The following MYOCD variants were observed in gnomAD, a reference collection of about 807,000 sequenced individuals.
MYOCD encodes myocardin.
Under a neutral mutation model 96.1 loss-of-function variants are expected in MYOCD, and 32 were observed. That is an observed-to-expected ratio of 0.33 (90% CI 0.25 to 0.45). MYOCD has a LOEUF of 0.45. Ranked by LOEUF, MYOCD falls within the 20% of genes least tolerant of loss-of-function variation. MYOCD has a pLI of 1.00. For missense variants in MYOCD, 1,133 were observed against 1,200.6 expected (o/e 0.94, Z 0.83); for synonymous variants, 469 against 469.0 (o/e 1.00, Z 0.00).
intron 5 of MYOCD, among the ~76,000 whole-genome samples, chr17:12,724,387 T>C (rs1376431340): frequency 6.6e-6 from 1 of 152,212 alleles, no homozygotes; most frequent in Non-Finnish European, 1.5e-5. Context: ...ACTTTTTCTC[T>C]GAAAAAGAAA....
intron 2 of MYOCD, among the ~76,000 whole-genome samples, chr17:12,709,361 G>C (rs1315638455): frequency 6.6e-6 from 1 of 152,088 alleles, no homozygotes; most frequent in East Asian, 1.9e-4. Context: ...CTTATGTGTG[G>C]GCATTATGAG....
At chr17:12,750,586 G>T (rs1473084709) in intron 9 of MYOCD, among the ~76,000 whole-genome samples, 1 of 152,090 alleles carries the variant, frequency 6.6e-6, no homozygotes, top group East Asian at 1.9e-4. Context: ...CTACTCGGGA[G>T]GCTGAGGCGG....
chr17:12,713,489 A>T (rs1177173529), intron 2 of MYOCD, among the ~76,000 whole-genome samples: 2 of 152,198 alleles, frequency 1.3e-5, no homozygotes, highest in Non-Finnish European at 2.9e-5. Flanking sequence ...GAGTTTCTAG[A>T]GGAAAAGGGC....
chr17:12,761,567 G>A (rs1286196435), intron 13 of MYOCD: 2 of 148,440 alleles, frequency 1.3e-5, no homozygotes, highest in African/African-American at 5.0e-5. Flanking sequence ...GGAAAGATGA[G>A]AAGAGTTCAT....
chr17:12,757,887 T>C (rs1320070479), intron 11 of MYOCD, among the ~76,000 whole-genome samples, 198 bp from the exon 12 acceptor site: 2 of 152,156 alleles, frequency 1.3e-5, no homozygotes, highest in African/African-American at 4.8e-5. Context: ...AAGGTTGCCA[T>C]TCTAAGACGC....
At chr17:12,686,047 T>C (rs1199857973) in intron 1 of MYOCD, among the ~76,000 whole-genome samples, 4 of 152,232 alleles carry the variant, frequency 2.6e-5, no homozygotes, top group Admixed American at 2.6e-4. Flanking sequence ...TTAGATCCCT[T>C]GGTGAGATAT....
chr17:12,753,163 T>C lies in MYOCD; in HGVS notation c.1875T>C (p.Ser625=), dbSNP rs1404246138. Residue 625 remains serine (S), a synonymous_variant, in exon 10 of 14, where the codon TCT becomes TCC. Transcript: ENST00000425538. ...VESSDQTNVL[S]STFLSPQCSP... is the part of the protein sequence containing the mutation. ...CCTCAGATCAAACCAATGTACTTTC[T>C]TCCACATTTCTCAGCCCCCAGTGTT... 3 of 1,614,080 alleles carry C rather than the reference T, an allele frequency of 1.9e-6. No homozygotes were observed. The highest frequency in any genetic ancestry group is 2.5e-6 in the Non-Finnish European group (3 of 1,180,050).
intron 2 of MYOCD, among the ~76,000 whole-genome samples, chr17:12,711,538 A>C (rs2031479460): frequency 6.6e-6 from 1 of 152,232 alleles, no homozygotes; most frequent in South Asian, 2.1e-4. Flanking sequence ...TTTTCTAATT[A>C]ATGGTATATA....
In MYOCD at chr17:12,768,508, G is replaced by A. The variant is rs2033397620; in HGVS notation, c.*4864G>A. The stretch of plus-strand genomic sequence containing the variant: ...ACCATCTGCTCCCATCGTGAACCCT[G>A]GAGCATGCATTTCCTAGAAGTGGTT... On this transcript the variant is annotated 3_prime_UTR_variant, in exon 14 of 14. Transcript: ENST00000425538. 1 of 152,120 alleles carries A rather than the reference G, an allele frequency of 6.6e-6. No individual in the cohort carries two copies. The highest frequency in any genetic ancestry group is 2.1e-4 in the South Asian group (1 of 4,830). 9.4% of individuals were successfully genotyped at this position (152,120 alleles called of 1,614,324 possible).
chr17:12,732,990 T>C (rs1316373460), intron 5 of MYOCD, among the ~76,000 whole-genome samples: 1 of 152,188 alleles, frequency 6.6e-6, no homozygotes, highest in Non-Finnish European at 1.5e-5. Flanking sequence ...TGTGGAATTC[T>C]GGAGACAGCC....
At chr17:12,742,060 G>C (rs67341207) in intron 7 of MYOCD, among the ~76,000 whole-genome samples, 31,030 of 151,932 alleles carry the variant, frequency 0.2, 3,482 homozygotes, top group Middle Eastern at 0.28. Context: ...GACCCTGCCA[G>C]GGCTGCAGCT....
intron 1 of MYOCD, among the ~76,000 whole-genome samples, chr17:12,671,186 G>T (rs1335631967): frequency 6.6e-6 from 1 of 152,020 alleles, no homozygotes; most frequent in Non-Finnish European, 1.5e-5. Flanking sequence ...TAGTTTATAG[G>T]GTATTTTCCA....
chr17:12,703,244 A>G (rs369094920), intron 1 of MYOCD, among the ~76,000 whole-genome samples: 1 of 152,040 alleles, frequency 6.6e-6, no homozygotes, highest in East Asian at 1.9e-4. Context: ...TTTATATAAT[A>G]TGTTGTGTCT....
chr17:12,722,104 A>G lies in MYOCD; in HGVS notation c.254-743A>G, dbSNP rs144142873. On this transcript the variant is annotated intron_variant, in intron 4 of 13. Transcript: ENST00000425538. ...TTCTAGATTTATGAAGTTGAGAGTG[A>G]AGGTGCAAACTCTTATAGAATCTTA... Among the ~76,000 whole-genome samples, 5 of 152,302 alleles carry G rather than the reference A, an allele frequency of 3.3e-5. No individual in the cohort carries two copies. In the East Asian group the frequency reaches 9.7e-4, roughly 29 times the overall value.
rs2150706446 is a variant in MYOCD, at chr17:12,739,277, G to A, written c.666G>A (p.Lys222=). 6.2e-7 allele frequency: 1 copy of A among 1,608,560 alleles called. No homozygotes were observed. Among genetic ancestry groups the A allele is most frequent in the East Asian group, 2.3e-5 (1 of 44,412 alleles). Residue 222 remains lysine, a synonymous_variant, in exon 7 of 14, where the codon AAG becomes AAA. Coordinates refer to ENST00000425538, the MANE Select transcript of MYOCD (RefSeq NM_001146312.3). ...SQPSHQSDAG[K]QGLGPPSTPI... ...CCAGCCACCAGTCAGATGCGGGGAA[G>A]CAGGGGCTTGGCCCCCCCAGCACCC...
intron 1 of MYOCD, among the ~76,000 whole-genome samples, chr17:12,684,883 C>G (rs914982751): frequency 2.0e-5 from 3 of 151,466 alleles, no homozygotes; most frequent in Non-Finnish European, 4.4e-5. Context: ...ATGGTGATAG[C>G]ACCTCATTAA....
intron 1 of MYOCD, among the ~76,000 whole-genome samples, chr17:12,675,373 A>G (rs1909954508): frequency 1.3e-5 from 2 of 152,248 alleles, no homozygotes. Flanking sequence ...CAGCATAAAC[A>G]TCATCTGTAA....
At chr17:12,724,802 C>A (rs2031948406) in intron 5 of MYOCD, among the ~76,000 whole-genome samples, 4 of 151,916 alleles carry the variant, frequency 2.6e-5, no homozygotes, top group Admixed American at 2.6e-4. Flanking sequence ...GTGTTAATAT[C>A]TGTCTTCACA....
intron 7 of MYOCD, among the ~76,000 whole-genome samples, chr17:12,740,815 C>G (rs536620569): frequency 6.6e-6 from 1 of 151,922 alleles, no homozygotes; most frequent in East Asian, 1.9e-4. Flanking sequence ...CTCAGCTCGT[C>G]GCAACCTCCG....
Sources: gnomAD v4.1 joint callset for allele counts (sites outside exome capture counted in the v4.1 genomes callset) on GRCh38, gnomAD v4.1.1 for gene constraint, MANE v1.5 for transcripts, NCBI Gene and HGNC (gene_info 2026-07-23, HGNC 2026-07-21) for gene names.